SV2C: variants seen among roughly 807,000 people sequenced by gnomAD.
SV2C encodes solute carrier family 22 member B3.
Under a neutral mutation model 79.7 loss-of-function variants are expected in SV2C, and 49 were observed. The observed-to-expected ratio is 0.61, with a 90% CI of 0.49 to 0.78. The LOEUF is 0.78. Ranked by LOEUF, SV2C falls within the 30% of genes least tolerant of loss-of-function variation. SV2C has a pLI of 0.00. For synonymous variants in SV2C, 334 were observed against 333.2 expected (o/e 1.00, Z -0.03); for missense variants, 833 against 912.9 (o/e 0.91, Z 1.13).
the SV2C span, among the ~76,000 whole-genome samples, chr5:75,966,238 C>T: frequency 2.0e-5 from 3 of 152,142 alleles, no homozygotes; most frequent in Non-Finnish European, 4.4e-5. Context: ...GAGATTTATG[C>T]TTAGCTTTTC....
chr5:76,272,750 G>C (rs1352628914), intron 4 of SV2C, among the ~76,000 whole-genome samples: 6 of 152,150 alleles, frequency 3.9e-5, no homozygotes, highest in Non-Finnish European at 8.8e-5. Flanking sequence ...AGCTTTAGAG[G>C]CTAGTATTCC....
At chr5:76,079,971 G>A (rs1323970984), upstream of SV2C, among the ~76,000 whole-genome samples, 16 of 151,690 alleles carry the variant, frequency 1.1e-4, no homozygotes, top group Non-Finnish European at 2.4e-4. Flanking sequence ...GCCAGCTGAA[G>A]GATGGTTCAA....
At chr5:76,313,207 C>T (rs1020594057) in intron 12 of SV2C, among the ~76,000 whole-genome samples, 4 of 152,166 alleles carry the variant, frequency 2.6e-5, no homozygotes, top group African/African-American at 4.8e-5. Context: ...ATACATTCTA[C>T]GTCTAATATA....
chr5:76,300,049 A>G (rs944760956), intron 10 of SV2C, among the ~76,000 whole-genome samples: 3 of 152,122 alleles, frequency 2.0e-5, no homozygotes, highest in Non-Finnish European at 4.4e-5. Flanking sequence ...AATGGCAATG[A>G]TAAGGCTGAC....
rs528310307 is a variant in SV2C at position 76,299,666 on chromosome 5, C to T, written c.1636+739C>T. Among the ~76,000 whole-genome samples, 5 of 152,356 alleles carry T rather than the reference C, an allele frequency of 3.3e-5. No homozygotes were observed. In the East Asian group the frequency reaches 9.6e-4, roughly 29 times the overall value. ...GCATTTGCCCTGTTGCCAGACCTGCCTTCTTAGTGCTCAGACAAGGGCTCT... is the reference window on the plus strand; with the variant it reads ...GCATTTGCCCTGTTGCCAGACCTGCTTTCTTAGTGCTCAGACAAGGGCTCT... On this transcript the variant is annotated intron_variant, in intron 10 of 12. Transcript: ENST00000502798.
the SV2C span, among the ~76,000 whole-genome samples, chr5:76,039,756 CAAA>C: frequency 1.1e-3 from 128 of 119,076 alleles, no homozygotes; most frequent in Admixed American, 2.1e-3. Flanking sequence ...AACTCCATCT[CAAA>C]AAAAAAAAAA....
At chr5:75,913,382 A>G in the SV2C span, among the ~76,000 whole-genome samples, 2 of 152,244 alleles carry the variant, frequency 1.3e-5, no homozygotes, top group Admixed American at 6.5e-5. Flanking sequence ...CTCACAAAGC[A>G]TGCTATAAAT....
At chr5:76,076,845 A>G in the SV2C span, among the ~76,000 whole-genome samples, 1 of 152,148 alleles carries the variant, frequency 6.6e-6, no homozygotes, top group African/African-American at 2.4e-5. Flanking sequence ...TTTCCCTTAC[A>G]CTGAAAGTGT....
intron 1 of SV2C, among the ~76,000 whole-genome samples, chr5:76,115,288 G>T (rs1748228294): frequency 6.6e-6 from 1 of 152,182 alleles, no homozygotes; most frequent in East Asian, 1.9e-4. Flanking sequence ...TTTTAAATAT[G>T]CAAGATAGGA....
chr5:76,132,413 T>G, intron 2 of SV2C, 83 bp downstream of exon 2: 3 of 1,353,388 alleles, frequency 2.2e-6, no homozygotes, highest in South Asian at 3.2e-5. Flanking sequence ...ATAAATACTT[T>G]TCATCTAGAG....
At chr5:76,255,739 C>T (rs935543899) in intron 4 of SV2C, among the ~76,000 whole-genome samples, 10 of 152,172 alleles carry the variant, frequency 6.6e-5, no homozygotes, top group African/African-American at 1.4e-4. Flanking sequence ...CCACCTTATG[C>T]GCCCCCCTCA....
At chr5:76,081,509 TTATTTAAATTATTTAAC>T (rs1415124169), upstream of SV2C, among the ~76,000 whole-genome samples, 11 of 152,214 alleles carry the variant, frequency 7.2e-5, no homozygotes, top group East Asian at 3.9e-4. Context: ...GCCTAAATAA[TTATTTAAATTATTTAAC>T]TATTTAAATT....
chr5:75,910,584 A>G, the SV2C span: 2 of 709,280 alleles, frequency 2.8e-6, no homozygotes, highest in South Asian at 2.9e-5. Flanking sequence ...GAGATTGAGG[A>G]GAGAATTGCC....
the SV2C span, among the ~76,000 whole-genome samples, chr5:75,906,078 A>G: frequency 5.3e-5 from 8 of 151,794 alleles, no homozygotes; most frequent in Non-Finnish European, 1.2e-4. Flanking sequence ...AACACCAAGG[A>G]CTGCTGGTAA....
At chr5:76,150,458 G>A (rs948617446) in intron 2 of SV2C, among the ~76,000 whole-genome samples, 6 of 151,840 alleles carry the variant, frequency 4.0e-5, no homozygotes, top group Admixed American at 6.6e-5. Context: ...TTACAGGCGC[G>A]AGCCACGGCA....
At chr5:76,321,140 G>T (rs1402083173) in intron 12 of SV2C, among the ~76,000 whole-genome samples, 1 of 152,056 alleles carries the variant, frequency 6.6e-6, no homozygotes, top group Non-Finnish European at 1.5e-5. Flanking sequence ...GAGTCCACAC[G>T]TTATGGAAAC....
At chr5:76,279,364 T>C (rs1276701647) in intron 4 of SV2C, among the ~76,000 whole-genome samples, 1 of 152,146 alleles carries the variant, frequency 6.6e-6, no homozygotes, top group African/African-American at 2.4e-5. Flanking sequence ...AGAAAGGGCC[T>C]GTGGAGAGAG....
At chr5:76,290,330 T>C (rs1407912964) in intron 6 of SV2C, among the ~76,000 whole-genome samples, 1 of 152,194 alleles carries the variant, frequency 6.6e-6, no homozygotes, top group African/African-American at 2.4e-5. Flanking sequence ...ACTCTGCCAA[T>C]AGAGTTACCC....
At chr5:75,958,746 T>C in the SV2C span, among the ~76,000 whole-genome samples, 24 of 151,928 alleles carry the variant, frequency 1.6e-4, no homozygotes, top group Non-Finnish European at 3.1e-4. Flanking sequence ...ATCATTATGC[T>C]TGAAATGAGG....
Sources: allele counts gnomAD v4.1 joint callset (sites outside exome capture counted in the v4.1 genomes callset), GRCh38; gene constraint gnomAD v4.1.1; transcripts MANE v1.5; gene names NCBI Gene and HGNC (gene_info 2026-07-23, HGNC 2026-07-21).